The following C10orf67 variants were observed in gnomAD, a reference collection of about 807,000 sequenced individuals.
C10orf67 encodes the protein chromosome 10 open reading frame 67, also known as uncharacterized protein C10orf67, mitochondrial.
In C10orf67, 60 loss-of-function variants were observed where a neutral mutation model predicts 35.6. The observed-to-expected ratio is 1.68, with a 90% CI of 1.37 to 2.09. The LOEUF (loss-of-function observed/expected upper bound fraction) is 2.09. Ranked by LOEUF, C10orf67 falls within the 30% of genes most tolerant of loss-of-function variation. The pLI is 0.00. For synonymous variants in C10orf67, 167 were observed against 115.8 expected (o/e 1.44, Z -2.84); for missense variants, 474 against 330.2 (o/e 1.44, Z -3.38).
At chr10:23,222,191 A>G (rs2132104608) in intron 15 of C10orf67, among the ~76,000 whole-genome samples, 1 of 152,246 alleles carries the variant, frequency 6.6e-6, no homozygotes, top group Non-Finnish European at 1.5e-5. Context: ...TAGAAAAGGG[A>G]GTGACGGTGT....
chr10:23,260,953 T>C (rs1203831540), intron 10 of C10orf67, among the ~76,000 whole-genome samples: 1 of 152,200 alleles, frequency 6.6e-6, no homozygotes, highest in East Asian at 1.9e-4. Context: ...AGAAATCTTA[T>C]AAATTGTAAT....
intron 15 of C10orf67, among the ~76,000 whole-genome samples, chr10:23,211,772 A>G (rs959524359): frequency 6.6e-6 from 1 of 152,324 alleles, no homozygotes; most frequent in Non-Finnish European, 1.5e-5. Flanking sequence ...ATTTGAACAC[A>G]TAGGATATTT....
chr10:23,332,640 C>A (rs374868019), intron 2 of C10orf67, among the ~76,000 whole-genome samples: 1 of 149,560 alleles, frequency 6.7e-6, no homozygotes, highest in East Asian at 2.0e-4. Context: ...GCTATGATCA[C>A]ACCTCTGCCT....
intron 7 of C10orf67, among the ~76,000 whole-genome samples, chr10:23,287,208 C>T (rs915656710): frequency 6.6e-6 from 1 of 152,156 alleles, no homozygotes; most frequent in Non-Finnish European, 1.5e-5. Context: ...AGGCATCACA[C>T]TACCTAACTT....
intron 13 of C10orf67, among the ~76,000 whole-genome samples, chr10:23,239,121 G>A (rs1164032552): frequency 6.6e-6 from 1 of 152,086 alleles, no homozygotes; most frequent in Non-Finnish European, 1.5e-5. Context: ...CATCACAGCA[G>A]GTTCTCAACA....
chr10:23,300,037 C>T (rs1010599515), intron 5 of C10orf67, among the ~76,000 whole-genome samples: 14 of 151,896 alleles, frequency 9.2e-5, no homozygotes, highest in Non-Finnish European at 1.8e-4. Flanking sequence ...CAGTTAACCT[C>T]CTGGCCTTCA....
In C10orf67 at chr10:23,216,040, C is replaced by A. The variant is rs77831753; in HGVS notation, c.1570+7558G>T. Among the ~76,000 whole-genome samples the A allele has an allele frequency of 5.2e-3, 791 of 151,982 alleles. 4 individuals carry two copies. Among genetic ancestry groups the A allele is most frequent in the African/African-American group, 0.018 (746 of 41,520 alleles). ...GAAATTATCCTGTTAGAGAGAGAAA[C>A]CAAAAAAGGGTGCCACTGACTGCTC... On this transcript the variant is annotated intron_variant, in intron 15 of 15. Transcript: ENST00000636213.
chr10:23,315,416 G>C (rs1844661748), intron 4 of C10orf67, among the ~76,000 whole-genome samples: 1 of 152,060 alleles, frequency 6.6e-6, no homozygotes, highest in Non-Finnish European at 1.5e-5. Flanking sequence ...AACTATAAGA[G>C]CATGTGTTTT....
chr10:23,205,546 G>A (rs1001183715), intron 15 of C10orf67, among the ~76,000 whole-genome samples: 1 of 152,180 alleles, frequency 6.6e-6, no homozygotes, highest in South Asian at 2.1e-4. Flanking sequence ...AGAAGTTCTG[G>A]TAGTACAATG....
At chr10:23,259,158 T>C (rs1842680657) in intron 10 of C10orf67, among the ~76,000 whole-genome samples, 1 of 152,214 alleles carries the variant, frequency 6.6e-6, no homozygotes, top group Non-Finnish European at 1.5e-5. Context: ...ATGTAAACAC[T>C]TTCTCTGTTT....
At chr10:23,292,715 T>C (rs578040501) in intron 5 of C10orf67, among the ~76,000 whole-genome samples, 1 of 148,262 alleles carries the variant, frequency 6.7e-6, no homozygotes, top group Non-Finnish European at 1.5e-5. Flanking sequence ...AAATTACGTA[T>C]GGTATATATA....
chr10:23,238,224 C>G, intron 13 of C10orf67, among the ~76,000 whole-genome samples: 1 of 152,178 alleles, frequency 6.6e-6, no homozygotes, highest in South Asian at 2.1e-4. Context: ...GGATGAATGA[C>G]TAGAGAGAGG....
chr10:23,235,239 GA>G (rs1842018594), intron 13 of C10orf67, among the ~76,000 whole-genome samples: 1 of 151,852 alleles, frequency 6.6e-6, no homozygotes, highest in South Asian at 2.1e-4. Context: ...AAAAAGACAA[GA>G]TCAATATTAT....
At chr10:23,312,646 A>G (rs561898989) in intron 4 of C10orf67, among the ~76,000 whole-genome samples, 2 of 152,244 alleles carry the variant, frequency 1.3e-5, no homozygotes, top group Non-Finnish European at 2.9e-5. Context: ...TTATATATAC[A>G]CATTCACATA....
At chr10:23,213,967 T>C (rs1670245472) in intron 15 of C10orf67, among the ~76,000 whole-genome samples, 1 of 151,066 alleles carries the variant, frequency 6.6e-6, no homozygotes, top group South Asian at 2.1e-4. Context: ...AAAAATGCAA[T>C]ATAAAAGATC....
At chr10:23,276,267 C>A (rs1056449634) in intron 8 of C10orf67, among the ~76,000 whole-genome samples, 6 of 152,076 alleles carry the variant, frequency 3.9e-5, no homozygotes, top group Non-Finnish European at 8.8e-5. Flanking sequence ...AACCCATGAC[C>A]CAATAGCTCC....
chr10:23,329,812 A>AAAAAAAAAAAAAAAAAAAAG (rs905791499), intron 2 of C10orf67, among the ~76,000 whole-genome samples: 1 of 148,506 alleles, frequency 6.7e-6, no homozygotes, highest in South Asian at 2.1e-4. Context: ...AAAAAAAAAA[A>AAAAAAAAAAAAAAAAAAAAG]AAAAGAAAAG....
intron 3 of C10orf67, among the ~76,000 whole-genome samples, chr10:23,321,986 C>T (rs888036912): frequency 1.3e-5 from 2 of 152,104 alleles, no homozygotes; most frequent in Admixed American, 6.6e-5. Flanking sequence ...CAGGGTCTCA[C>T]GATGTTGCCC....
rs76957211 is a variant in C10orf67, at chr10:23,221,150, G to T, written c.1570+2448C>A. Among the ~76,000 whole-genome samples the T allele has an allele frequency of 9.2e-5, 14 of 152,288 alleles. No individual in the cohort carries two copies. The South Asian group carries it at 2.7e-3, about 29-fold the overall frequency. On this transcript the variant is annotated intron_variant, in intron 15 of 15. Coordinates refer to ENST00000636213, the MANE Select transcript of C10orf67 (RefSeq NM_001371909.1). The stretch of plus-strand genomic sequence containing the variant: ...GACAGTTTCACAGGCTTAACAGGAC[G>T]CATGGCTAGGAGGTGTCAGGAAACT...
Sources: gnomAD v4.1 joint callset for allele counts (sites outside exome capture counted in the v4.1 genomes callset) on GRCh38, gnomAD v4.1.1 for gene constraint, MANE v1.5 for transcripts, NCBI Gene and HGNC (gene_info 2026-07-23, HGNC 2026-07-21) for gene names.